MAOB: variants seen among roughly 807,000 people sequenced by gnomAD.
The protein encoded by MAOB is amine oxidase [flavin-containing] B.
MAOB carries 15 observed loss-of-function variants against 41.9 expected under a neutral mutation model. The ratio of observed to expected loss-of-function variants is 0.36; its 90% CI spans 0.24 to 0.55. MAOB has a LOEUF of 0.55. MAOB is among the 20% of genes least tolerant of loss of function. The pLI, the probability that MAOB is intolerant of heterozygous loss-of-function variation, is 0.86. For synonymous variants in MAOB, 167 were observed against 144.2 expected (o/e 1.16, Z -1.13); for missense variants, 345 against 398.7 (o/e 0.87, Z 1.15).
At chrX:43,851,228 C>T (rs894069177) in intron 1 of MAOB, among the ~76,000 whole-genome samples, 33 of 111,899 alleles carry the variant, frequency 2.9e-4, no homozygotes, top group African/African-American at 1.1e-3. Context: ...ATTTACCTGC[C>T]TCAAATCCTT....
intron 14 of MAOB, 26 bp from the exon 15 acceptor site, chrX:43,767,644 A>G (rs2034128357): frequency 1.7e-6 from 2 of 1,178,808 alleles, no homozygotes; most frequent in African/African-American, 1.8e-5. Flanking sequence ...ATTGGGTATT[A>G]GTACAGGGCT....
Position 43,818,151 on chromosome X carries a change from A to C in MAOB, c.280-14747T>G, listed in dbSNP as rs34261731. On this transcript the variant is annotated intron_variant, in intron 3 of 14. Transcript: ENST00000378069. Reference sequence around the variant, plus strand: ...TGTCTTTTTGTGTCTGATTTATTTCACTTAGCATATCTTCAACGTTCACCC... The same window carrying C: ...TGTCTTTTTGTGTCTGATTTATTTCCCTTAGCATATCTTCAACGTTCACCC... Among the ~76,000 whole-genome samples the C allele has an allele frequency of 9.0e-3, 1,007 of 112,425 alleles. 11 individuals carry two copies. Among genetic ancestry groups the C allele is most frequent in the African/African-American group, 0.031 (964 of 30,971 alleles).
intron 3 of MAOB, among the ~76,000 whole-genome samples, chrX:43,808,981 C>T (rs180804844): frequency 9.9e-4 from 110 of 110,919 alleles, no homozygotes; most frequent in Non-Finnish European, 1.7e-3. Context: ...TGTGAGTCAC[C>T]GCACCCAGCC....
chrX:43,783,406 T>C (rs904288749), intron 8 of MAOB, among the ~76,000 whole-genome samples: 23 of 111,604 alleles, frequency 2.1e-4, no homozygotes, highest in African/African-American at 6.8e-4. Flanking sequence ...CTGAACAAAA[T>C]ACAGGCACAC....
chrX:43,860,925 G>C (rs1450554842), intron 1 of MAOB, among the ~76,000 whole-genome samples: 1 of 112,047 alleles, frequency 8.9e-6, no homozygotes, highest in Non-Finnish European at 1.9e-5. Context: ...ATAGTTACAT[G>C]TTCAGGATCG....
At chrX:43,825,201 T>G (rs2034931064) in intron 3 of MAOB, among the ~76,000 whole-genome samples, 3 of 111,114 alleles carry the variant, frequency 2.7e-5, no homozygotes, top group South Asian at 3.8e-4. Context: ...GAGAGTTTTG[T>G]TTTTTGTTTG....
At chrX:43,870,434 G>C (rs1038868523) in intron 1 of MAOB, among the ~76,000 whole-genome samples, 2 of 111,157 alleles carry the variant, frequency 1.8e-5, no homozygotes, top group African/African-American at 6.6e-5. Context: ...GCACCAAAGA[G>C]TGCTTATCCA....
At chrX:43,850,833 T>C (rs907965034) in intron 1 of MAOB, among the ~76,000 whole-genome samples, 2 of 112,241 alleles carry the variant, frequency 1.8e-5, no homozygotes, top group African/African-American at 6.5e-5. Context: ...CTTTCATAAG[T>C]TGCCATAGAA....
chrX:43,828,613 A>G (rs1319348569), intron 3 of MAOB, among the ~76,000 whole-genome samples: 1 of 111,465 alleles, frequency 9.0e-6, no homozygotes, highest in East Asian at 2.8e-4. Flanking sequence ...CCTGCCCCGC[A>G]ATTCAGTCCT....
At chrX:43,836,080 C>T (rs1208836362) in intron 3 of MAOB, among the ~76,000 whole-genome samples, 3 of 111,718 alleles carry the variant, frequency 2.7e-5, no homozygotes, top group African/African-American at 9.8e-5. Context: ...TATCTATTTA[C>T]ATGAACTGTA....
At chrX:43,841,993 T>C (rs1014484848) in intron 2 of MAOB, among the ~76,000 whole-genome samples, 2 of 111,654 alleles carry the variant, frequency 1.8e-5, no homozygotes, top group African/African-American at 6.5e-5. Context: ...AGGGGAAAGC[T>C]CCATGACACT....
In MAOB at chrX:43,787,306, A is replaced by T. The variant is rs147883848; in HGVS notation, c.929-5762T>A. Among the ~76,000 whole-genome samples the T allele has an allele frequency of 9.0e-3, 1,011 of 111,876 alleles. 10 individuals are homozygous for T. Among genetic ancestry groups the T allele is most frequent in the African/African-American group, 0.032 (971 of 30,749 alleles). ...GGAGCTTTGATGAGATGATAATAACATTCATCTGGATGAATAACTGAAGAA... is the reference window on the plus strand; with the variant it reads ...GGAGCTTTGATGAGATGATAATAACTTTCATCTGGATGAATAACTGAAGAA... On this transcript the variant is annotated intron_variant, in intron 8 of 14. Transcript: ENST00000378069.
intron 1 of MAOB, among the ~76,000 whole-genome samples, chrX:43,856,041 C>CA (rs912651975): frequency 4.5e-5 from 5 of 111,104 alleles, no homozygotes; most frequent in Admixed American, 9.5e-5. Context: ...AAATATAAAA[C>CA]AAAAAAAACC....
Position 43,809,432 on chromosome X carries a change from C to A in MAOB, c.280-6028G>T, listed in dbSNP as rs375603527. 8.6e-4 allele frequency among the ~76,000 whole-genome samples: 96 copies of A among 112,168 alleles called. 2 individuals are homozygous for A. Among genetic ancestry groups the A allele is most frequent in the African/African-American group, 2.8e-3 (87 of 30,869 alleles). ...CATGAAGCAGAATAAAACACTTTAC[C>A]CTTTAACCTCCTTGGTGTCTTATGT... On this transcript the variant is annotated intron_variant, in intron 3 of 14. Transcript: ENST00000378069.
intron 1 of MAOB, among the ~76,000 whole-genome samples, chrX:43,871,717 C>T (rs188621470): frequency 2.8e-5 from 3 of 108,826 alleles, no homozygotes; most frequent in Non-Finnish European, 5.7e-5. Flanking sequence ...TCTTTTTCTC[C>T]CTGCAGAAAC....
At chrX:43,837,952 G>A in intron 3 of MAOB, 2 of 331,371 alleles carry the variant, frequency 6.0e-6, no homozygotes, top group South Asian at 5.2e-5. Flanking sequence ...AGGGAGATGT[G>A]AAGAGAGTCT....
chrX:43,794,039 G>T (rs540299770), intron 7 of MAOB, among the ~76,000 whole-genome samples: 5 of 111,737 alleles, frequency 4.5e-5, no homozygotes, highest in African/African-American at 1.3e-4. Flanking sequence ...ACCACACCCA[G>T]CTAATTTTTG....
In MAOB at chrX:43,803,282, T is replaced by C; in HGVS notation, c.384+18A>G. ...CTTATTACAAAAAAGAATACAAATA[T>C]AGTCAAAGAAGCTTTACCTCTCGCC... On this transcript the variant is annotated intron_variant, in intron 4 of 14. Transcript: ENST00000378069. The C allele has an allele frequency of 4.5e-6, 5 of 1,116,442 alleles. No homozygotes were observed. The highest frequency in any genetic ancestry group is 4.7e-6 in the Non-Finnish European group (4 of 848,253). 92.0% of individuals were successfully genotyped at this position (1,116,442 alleles called of 1,213,427 possible). A position where few individuals can be genotyped will look rare whatever the true frequency, so the allele number is the denominator to read the frequency against.
At chrX:43,857,140 G>T (rs1473544228) in intron 1 of MAOB, among the ~76,000 whole-genome samples, 11 of 59,260 alleles carry the variant, frequency 1.9e-4, no homozygotes, top group African/African-American at 6.2e-4. Context: ...GAGAGAGAGA[G>T]AGAGAGAGAG....
Sources: allele counts gnomAD v4.1 joint callset (sites outside exome capture counted in the v4.1 genomes callset), GRCh38; gene constraint gnomAD v4.1.1; transcripts MANE v1.5; gene names NCBI Gene and HGNC (gene_info 2026-07-23, HGNC 2026-07-21).